ZNF618: variants seen among roughly 807,000 people sequenced by gnomAD.
ZNF618 encodes the protein neural precursor cell expressed, developmentally down-regulated 10.
In ZNF618, 34 loss-of-function variants were observed where a neutral mutation model predicts 103.0. The ratio of observed to expected loss-of-function variants is 0.33; its 90% CI spans 0.25 to 0.44. The LOEUF (loss-of-function observed/expected upper bound fraction) is 0.44, where lower values mean the gene tolerates loss of function less well. Ranked by LOEUF, ZNF618 falls within the 20% of genes least tolerant of loss-of-function variation. The pLI is 1.00. For missense variants in ZNF618, 1,059 were observed against 1,295.4 expected (o/e 0.82, Z 2.80); for synonymous variants, 551 against 542.2 (o/e 1.02, Z -0.23).
At chr9:113,903,017 A>G (rs1023498545) in intron 1 of ZNF618, among the ~76,000 whole-genome samples, 1 of 152,232 alleles carries the variant, frequency 6.6e-6, no homozygotes, top group African/African-American at 2.4e-5. Flanking sequence ...TTAGGATAGA[A>G]TGAAATAGAG....
At chr9:114,016,032 T>TG in intron 9 of ZNF618, 1 of 1,350,862 alleles carries the variant, frequency 7.4e-7, no homozygotes, top group Non-Finnish European at 1.1e-6. Flanking sequence ...GCTCTTTGTT[T>TG]GGGGGTTACA....
intron 2 of ZNF618, among the ~76,000 whole-genome samples, chr9:113,981,374 T>C (rs1838961772): frequency 6.6e-6 from 1 of 152,088 alleles, no homozygotes; most frequent in Non-Finnish European, 1.5e-5. Flanking sequence ...TCTTGCTGGG[T>C]AAAGTTCTGG....
At chr9:113,964,488 T>G in intron 1 of ZNF618, among the ~76,000 whole-genome samples, 3 of 150,672 alleles carry the variant, frequency 2.0e-5, no homozygotes, top group South Asian at 2.1e-4. Flanking sequence ...CCCTCACCGC[T>G]TCCCGGGCAA....
intron 1 of ZNF618, among the ~76,000 whole-genome samples, chr9:113,942,830 A>T (rs1427678479): frequency 6.6e-6 from 1 of 152,234 alleles, no homozygotes; most frequent in East Asian, 1.9e-4. Context: ...TGGCAAGTTC[A>T]AAAAGGGCAA....
Position 114,036,308 on chromosome 9 carries a change from A to G in ZNF618, c.1177A>G (p.Thr393Ala). 5 of 1,573,224 alleles carry G rather than the reference A, an allele frequency of 3.2e-6. No homozygotes were observed. The highest frequency in any genetic ancestry group is 4.3e-6 in the Non-Finnish European group (5 of 1,158,624). ...SSSQNSSEPY[T>A]CGACGIQFQF... ...CGCATTTCTCCCTCCAGAACCCTAC[A>G]CCTGCGGCGCCTGTGGGATCCAGTT... Residue 393 changes from threonine to alanine, a missense_variant, in exon 13 of 15, where the codon ACC (threonine) becomes GCC (alanine). Coordinates refer to ENST00000374126, the MANE Select transcript of ZNF618 (RefSeq NM_001318042.2).
intron 1 of ZNF618, among the ~76,000 whole-genome samples, chr9:113,944,954 A>G (rs1321702939): frequency 6.6e-6 from 1 of 152,176 alleles, no homozygotes; most frequent in Non-Finnish European, 1.5e-5. Flanking sequence ...TAAAAAAGTG[A>G]CATTCCGCAG....
intron 1 of ZNF618, among the ~76,000 whole-genome samples, chr9:113,936,877 T>A (rs1834073096): frequency 6.6e-6 from 1 of 152,200 alleles, no homozygotes; most frequent in Admixed American, 6.5e-5. Flanking sequence ...TTGTGTGTTT[T>A]TTCCAAGTGT....
intron 2 of ZNF618, 55 bp from the exon 3 acceptor site, chr9:113,988,266 G>C (rs1386875868): frequency 8.4e-6 from 13 of 1,555,866 alleles, no homozygotes; most frequent in Non-Finnish European, 8.7e-6. Context: ...GGGCTGGTGG[G>C]CTCCTGTGTT....
At chr9:114,011,122 A>G (rs1414226537) in intron 9 of ZNF618, among the ~76,000 whole-genome samples, 1 of 152,186 alleles carries the variant, frequency 6.6e-6, no homozygotes, top group African/African-American at 2.4e-5. Context: ...TCCCAGCTCG[A>G]CACTTAATAG....
In ZNF618 at chr9:114,048,746, GGTGCACTGA is replaced by G. The variant is rs1845881690; in HGVS notation, c.1446_1454del (p.Ala483_Ser485del). 1 of 1,613,900 alleles carries G rather than the reference GGTGCACTGA, an allele frequency of 6.2e-7. No individual in the cohort carries two copies. The highest frequency in any genetic ancestry group is 8.5e-7 in the Non-Finnish European group (1 of 1,179,898). The stretch of plus-strand genomic sequence containing the variant: ...GTTGAGGGTCATGTGTGCCGACCTG[GGTGCACTGA>G]GCGTGGTCAGCGGGAAGGAGTTCCT... On this transcript the variant is annotated inframe_deletion, in exon 15 of 15. Coordinates refer to ENST00000374126, the MANE Select transcript of ZNF618 (RefSeq NM_001318042.2).
intron 3 of ZNF618, among the ~76,000 whole-genome samples, chr9:113,996,622 G>A (rs988429126): frequency 3.3e-5 from 5 of 152,126 alleles, no homozygotes; most frequent in East Asian, 1.9e-4. Context: ...CTGTGAACTC[G>A]GATTAGTTGG....
intron 1 of ZNF618, among the ~76,000 whole-genome samples, chr9:113,935,894 T>C (rs1015623767): frequency 6.6e-6 from 1 of 152,164 alleles, no homozygotes; most frequent in African/African-American, 2.4e-5. Flanking sequence ...CCAGCATCTT[T>C]AGTGTGATAA....
At chr9:113,976,644 C>A (rs141206985) in intron 2 of ZNF618, among the ~76,000 whole-genome samples, 1 of 152,090 alleles carries the variant, frequency 6.6e-6, no homozygotes, top group Non-Finnish European at 1.5e-5. Flanking sequence ...GTGGGTCTCC[C>A]GTCTCTCCTC....
intron 10 of ZNF618, among the ~76,000 whole-genome samples, chr9:114,020,462 C>CAAGTA (rs1332209478): frequency 6.6e-6 from 1 of 152,016 alleles, no homozygotes; most frequent in African/African-American, 2.4e-5. Flanking sequence ...TATATTTCCC[C>CAAGTA]AAGTATTTAG....
chr9:113,928,900 G>T (rs1459721353), intron 1 of ZNF618, among the ~76,000 whole-genome samples: 1 of 152,104 alleles, frequency 6.6e-6, no homozygotes, highest in South Asian at 2.1e-4. Flanking sequence ...CTCCCTTTAT[G>T]TGAGATAGGA....
chr9:113,974,093 T>C (rs773240588), intron 2 of ZNF618, among the ~76,000 whole-genome samples: 4 of 152,186 alleles, frequency 2.6e-5, no homozygotes, highest in Non-Finnish European at 5.9e-5. Flanking sequence ...GTAGAGCTGA[T>C]GTTGTAGTGG....
intron 12 of ZNF618, among the ~76,000 whole-genome samples, chr9:114,035,636 C>T (rs1283316203): frequency 6.6e-6 from 1 of 151,850 alleles, no homozygotes; most frequent in Non-Finnish European, 1.5e-5. Context: ...TTCTCTCCTC[C>T]TCCCTCTTCT....
chr9:113,974,540 T>A (rs1838305660), intron 2 of ZNF618, among the ~76,000 whole-genome samples: 1 of 152,200 alleles, frequency 6.6e-6, no homozygotes, highest in African/African-American at 2.4e-5. Context: ...TGCCAAGGGT[T>A]CAGGACAGAC....
At chr9:113,919,991 C>T (rs1375133729) in intron 1 of ZNF618, among the ~76,000 whole-genome samples, 1 of 152,222 alleles carries the variant, frequency 6.6e-6, no homozygotes, top group Admixed American at 6.5e-5. Flanking sequence ...CCAGCCTGGG[C>T]TACACAGGGG....
Sources: gnomAD v4.1 joint callset for allele counts (sites outside exome capture counted in the v4.1 genomes callset) on GRCh38, gnomAD v4.1.1 for gene constraint, MANE v1.5 for transcripts, NCBI Gene and HGNC (gene_info 2026-07-23, HGNC 2026-07-21) for gene names.